The following TCF7L2 variants were observed in gnomAD, a reference collection of about 807,000 sequenced individuals.
The protein encoded by TCF7L2 is transcription factor 7 like 2.
A neutral mutation model predicts 77.9 loss-of-function variants in TCF7L2; 23 were observed. The observed-to-expected ratio is 0.30, with a 90% CI of 0.21 to 0.42. The LOEUF (loss-of-function observed/expected upper bound fraction) is 0.42. TCF7L2 is among the 10% of genes least tolerant of loss of function. The pLI, the probability that TCF7L2 is intolerant of heterozygous loss-of-function variation, is 1.00. For synonymous variants in TCF7L2, 413 were observed against 340.2 expected, an observed-to-expected ratio of 1.21 and a Z score of -2.36; for missense variants, 654 against 793.1, an observed-to-expected ratio of 0.82 and a Z score of 2.11.
intron 5 of TCF7L2, among the ~76,000 whole-genome samples, chr10:113,103,395 T>C (rs1054655749): frequency 2.0e-5 from 3 of 152,242 alleles, no homozygotes; most frequent in Admixed American, 1.3e-4. Context: ...TGTGTGGTTT[T>C]GTTTTTTAAA....
At chr10:112,988,101 C>CGT (rs60216684) in intron 4 of TCF7L2, among the ~76,000 whole-genome samples, 6,870 of 148,494 alleles carry the variant, frequency 0.046, 496 homozygotes, top group African/African-American at 0.16. Flanking sequence ...CTGTGAATCC[C>CGT]GTGTGTGTGT....
At chr10:113,153,769 T>C (rs2071261592) in intron 11 of TCF7L2, among the ~76,000 whole-genome samples, 1 of 152,244 alleles carries the variant, frequency 6.6e-6, no homozygotes, top group Non-Finnish European at 1.5e-5. Context: ...CGGATATCTT[T>C]ACTCCCTCAG....
At chr10:113,129,934 G>A (rs1234434500) in intron 5 of TCF7L2, 14 of 1,294,270 alleles carry the variant, frequency 1.1e-5, no homozygotes, top group South Asian at 1.2e-5. Flanking sequence ...AGTGGCCTCC[G>A]GGGTCTCTCT....
At chr10:113,118,527 G>GTGTGTGTGTGTT (rs1456673211) in intron 5 of TCF7L2, among the ~76,000 whole-genome samples, 1 of 148,188 alleles carries the variant, frequency 6.7e-6, no homozygotes, top group Non-Finnish European at 1.5e-5. Context: ...GGGGGTGTGT[G>GTGTGTGTGTGTT]TGTGTGTGTG....
intron 5 of TCF7L2, among the ~76,000 whole-genome samples, chr10:113,110,205 T>C (rs1447792214): frequency 6.6e-6 from 1 of 152,198 alleles, no homozygotes; most frequent in African/African-American, 2.4e-5. Flanking sequence ...AAAAATATTA[T>C]CTTTGTAGAT....
intron 5 of TCF7L2, among the ~76,000 whole-genome samples, chr10:113,045,788 A>G (rs2053338205): frequency 6.6e-6 from 1 of 151,984 alleles, no homozygotes; most frequent in Non-Finnish European, 1.5e-5. Flanking sequence ...TATTTTATTC[A>G]TTTATCTATG....
intron 3 of TCF7L2, among the ~76,000 whole-genome samples, chr10:112,960,641 C>A (rs2034824562): frequency 6.6e-6 from 1 of 151,340 alleles, no homozygotes; most frequent in Non-Finnish European, 1.5e-5. Flanking sequence ...TTGGAGCACT[C>A]CTGGTGACTG....
At chr10:113,104,880 G>A (rs2062090036) in intron 5 of TCF7L2, among the ~76,000 whole-genome samples, 1 of 152,138 alleles carries the variant, frequency 6.6e-6, no homozygotes, top group Admixed American at 6.5e-5. Flanking sequence ...ACAGTTCCTC[G>A]AAGTCATGGG....
chr10:113,097,646 G>GAAAAAAAAAAAAAACAAAAAA (rs2061154254), intron 5 of TCF7L2, among the ~76,000 whole-genome samples: 9 of 36,744 alleles, frequency 2.4e-4, no homozygotes, highest in African/African-American at 8.6e-4. Context: ...TCTTGTCTCG[G>GAAAAAAAAAAAAAACAAAAAA]AAAAAAAAAA....
At chr10:113,156,191 T>C (rs2071856837) in intron 11 of TCF7L2, among the ~76,000 whole-genome samples, 2 of 151,290 alleles carry the variant, frequency 1.3e-5, no homozygotes, top group Non-Finnish European at 2.9e-5. Flanking sequence ...CTCAGCTCAC[T>C]GCAACCTCTG....
chr10:113,097,848 CAG>C (rs1370313550), intron 5 of TCF7L2, among the ~76,000 whole-genome samples: 1 of 148,306 alleles, frequency 6.7e-6, no homozygotes, highest in Non-Finnish European at 1.5e-5. Context: ...GGTCAGGAGT[CAG>C]AGACCAGCCT....
chr10:112,956,405 G>A (rs191744606), intron 3 of TCF7L2, among the ~76,000 whole-genome samples: 3 of 149,798 alleles, frequency 2.0e-5, no homozygotes, highest in African/African-American at 7.4e-5. Context: ...CACTTTCCAG[G>A]GAAGTAAGTG....
intron 5 of TCF7L2, among the ~76,000 whole-genome samples, chr10:113,094,733 T>C (rs1591606855): frequency 6.6e-6 from 1 of 152,242 alleles, no homozygotes; most frequent in Admixed American, 6.5e-5. Flanking sequence ...CTTTCCTATA[T>C]ATGCCACAAA....
chr10:113,093,878 G>A (rs773912395), intron 5 of TCF7L2, among the ~76,000 whole-genome samples: 5 of 152,042 alleles, frequency 3.3e-5, no homozygotes, highest in African/African-American at 1.2e-4. Flanking sequence ...CCATTTTCAC[G>A]GAAATACTTG....
At position 112,985,618 on chromosome 10, in the gene TCF7L2, A is replaced by G. The variant is rs2041334223; in HGVS notation, c.450+20994A>G. Among the ~76,000 whole-genome samples, 7 of 152,302 alleles carry G rather than the reference A, an allele frequency of 4.6e-5. No homozygotes were observed. In the South Asian group the frequency reaches 1.5e-3, roughly 32 times the overall value. On this transcript the variant is annotated intron_variant, in intron 4 of 13. Coordinates refer to ENST00000627217, the MANE Select transcript of TCF7L2 (RefSeq NM_001146274.2). ...TTCTTGATCCCCTTATGTTCGGTAA[A>G]CAGAGTGTTATATGAAACATCATTG...
intron 5 of TCF7L2, among the ~76,000 whole-genome samples, chr10:113,060,102 T>C (rs1442365915): frequency 2.6e-5 from 4 of 152,212 alleles, no homozygotes; most frequent in African/African-American, 9.6e-5. Context: ...CCTGTTAGTG[T>C]TTGTTCTTCA....
Position 113,102,114 on chromosome 10 carries a change from A to C in TCF7L2, c.553-39070A>C, listed in dbSNP as rs1370166976. ...GGGTGACAGAGCGTGACTCCATCAA[A>C]AAAAAAAAAAAAAAAAAAAAAAAAA... On this transcript the variant is annotated intron_variant, in intron 5 of 13. Transcript: ENST00000627217. Among the ~76,000 whole-genome samples, 89 of 9,842 alleles carry C rather than the reference A, an allele frequency of 9.0e-3. 4 individuals are homozygous for C. The highest frequency in any genetic ancestry group is 0.038 in the African/African-American group (83 of 2,178). 6.5% of individuals were successfully genotyped at this position (9,842 alleles called of 152,430 possible).
chr10:112,994,310 A>G (rs2043100080), intron 4 of TCF7L2, among the ~76,000 whole-genome samples: 2 of 152,120 alleles, frequency 1.3e-5, no homozygotes, highest in Non-Finnish European at 2.9e-5. Context: ...ATTTCATATA[A>G]ATGGTATCAT....
intron 5 of TCF7L2, chr10:113,129,661 G>T (rs2066245406): frequency 2.5e-6 from 3 of 1,185,560 alleles, no homozygotes; most frequent in African/African-American, 3.2e-5. Context: ...GAGCCTACTC[G>T]GCCAGGAATC....
Sources: allele counts gnomAD v4.1 joint callset (sites outside exome capture counted in the v4.1 genomes callset), GRCh38; gene constraint gnomAD v4.1.1; transcripts MANE v1.5; gene names NCBI Gene and HGNC (gene_info 2026-07-23, HGNC 2026-07-21).